PLCG2: variants seen among roughly 807,000 people sequenced by gnomAD.
PLCG2 encodes 1-phosphatidylinositol 4,5-bisphosphate phosphodiesterase gamma-2.
PLCG2 carries 69 observed loss-of-function variants against 175.6 expected under a neutral mutation model. The ratio of observed to expected loss-of-function variants is 0.39; its 90% CI spans 0.32 to 0.48. The LOEUF is 0.48. Ranked by LOEUF, PLCG2 falls within the 20% of genes least tolerant of loss-of-function variation. PLCG2 has a pLI of 0.91. For synonymous variants in PLCG2, 827 were observed against 624.0 expected (o/e 1.33, Z -4.85); for missense variants, 1,798 against 1,650.9 (o/e 1.09, Z -1.54).
At chr16:81,843,183 G>A (rs1002676229) in intron 2 of PLCG2, among the ~76,000 whole-genome samples, 1 of 152,166 alleles carries the variant, frequency 6.6e-6, no homozygotes, top group Non-Finnish European at 1.5e-5. Flanking sequence ...TGAGAATAAA[G>A]TGTTGTTTCA....
chr16:81,829,427 A>C (rs1373542006), intron 2 of PLCG2, among the ~76,000 whole-genome samples: 1 of 152,150 alleles, frequency 6.6e-6, no homozygotes, highest in Non-Finnish European at 1.5e-5. Context: ...CATGTTGACC[A>C]GGCTAGTCTC....
At chr16:81,905,841 G>A (rs551235841) in intron 15 of PLCG2, among the ~76,000 whole-genome samples, 32 of 152,162 alleles carry the variant, frequency 2.1e-4, no homozygotes, top group African/African-American at 6.5e-4. Context: ...TTGTATTTTT[G>A]CAGAGATGGG....
intron 2 of PLCG2, among the ~76,000 whole-genome samples, chr16:81,761,468 G>A (rs193140351): frequency 1.9e-4 from 29 of 152,296 alleles, no homozygotes; most frequent in African/African-American, 6.0e-4. Flanking sequence ...GAGAGGTGAC[G>A]CGTTGTAATG....
chr16:81,959,685 C>G lies in PLCG2; in HGVS notation c.*1687C>G. 5.4e-6 allele frequency: 1 copy of G among 185,478 alleles called. No homozygotes were observed. Among genetic ancestry groups the G allele is most frequent in the East Asian group, 8.8e-5 (1 of 11,402 alleles). The allele number at this position is 185,478 out of a possible 1,614,324, so 11.5% of individuals were successfully genotyped here. On this transcript the variant is annotated 3_prime_UTR_variant, in exon 33 of 33. Transcript: ENST00000564138. ...TCTTAGTGGCAGATGTTCAAAGCAA[C>G]TTTCAAGAAAGGCTAGGTGAGAAAG...
chr16:81,844,984 A>T (rs914054006), intron 2 of PLCG2, among the ~76,000 whole-genome samples: 1 of 152,178 alleles, frequency 6.6e-6, no homozygotes, highest in African/African-American at 2.4e-5. Flanking sequence ...GCTGGTGTGC[A>T]GAGTTGTGAT....
chr16:81,847,694 A>G (rs1906197489), intron 2 of PLCG2, among the ~76,000 whole-genome samples: 2 of 152,230 alleles, frequency 1.3e-5, no homozygotes. Flanking sequence ...CATCTTACTG[A>G]ACATGGACAA....
At chr16:81,923,177 T>TA (rs1200190339) in intron 21 of PLCG2, among the ~76,000 whole-genome samples, 2 of 152,120 alleles carry the variant, frequency 1.3e-5, no homozygotes, top group Non-Finnish European at 2.9e-5. Context: ...ACTCCCACCC[T>TA]AACCCTAAGC....
chr16:81,877,371 G>C (rs529370247), intron 7 of PLCG2, among the ~76,000 whole-genome samples: 1 of 152,296 alleles, frequency 6.6e-6, no homozygotes, highest in Non-Finnish European at 1.5e-5. Flanking sequence ...CAGGAGAATG[G>C]CGTGAACCTG....
chr16:81,922,719 T>A (rs981435850), intron 21 of PLCG2, among the ~76,000 whole-genome samples: 5 of 152,144 alleles, frequency 3.3e-5, no homozygotes, highest in African/African-American at 9.7e-5. Flanking sequence ...TTCCTTTGGG[T>A]GGGAGGAGAA....
intron 2 of PLCG2, among the ~76,000 whole-genome samples, chr16:81,770,856 A>T (rs868782061): frequency 4.6e-5 from 7 of 152,220 alleles, no homozygotes; most frequent in Middle Eastern, 6.8e-3. Context: ...CAGGAGATCG[A>T]GACCATCCTG....
At chr16:81,855,500 C>G (rs1242680193) in intron 3 of PLCG2, among the ~76,000 whole-genome samples, 2 of 152,180 alleles carry the variant, frequency 1.3e-5, no homozygotes, top group South Asian at 2.1e-4. Flanking sequence ...GGTCAAATAA[C>G]TTATTAATTT....
chr16:81,779,529 T>C (rs1910633532), intron 1 of PLCG2, 105 bp downstream of exon 1: 1 of 151,832 alleles, frequency 6.6e-6, no homozygotes, highest in Non-Finnish European at 1.5e-5. Context: ...GCGTCCTGGC[T>C]CAGCCGGAGC....
chr16:81,946,325 G>A (rs1284990048), intron 31 of PLCG2, 62 bp downstream of exon 31: 21 of 1,198,390 alleles, frequency 1.8e-5, no homozygotes, highest in East Asian at 1.6e-4. Context: ...GGGTAGAAAC[G>A]GCCCGTGAAT....
At chr16:81,942,486 G>T (rs1277899968) in intron 30 of PLCG2, among the ~76,000 whole-genome samples, 3 of 152,172 alleles carry the variant, frequency 2.0e-5, no homozygotes, top group African/African-American at 7.2e-5. Flanking sequence ...AGAATGAACA[G>T]GAGGCATTGA....
At chr16:81,778,809 T>C (rs1167672203), upstream of PLCG2, among the ~76,000 whole-genome samples, 1 of 122,844 alleles carries the variant, frequency 8.1e-6, no homozygotes, top group African/African-American at 3.3e-5. Flanking sequence ...TATATTTATT[T>C]TTAATTTTTA....
chr16:81,778,344 T>C (rs1910549563), upstream of PLCG2, among the ~76,000 whole-genome samples: 1 of 152,142 alleles, frequency 6.6e-6, no homozygotes, highest in Admixed American at 6.6e-5. Context: ...CACTCCAGCC[T>C]GGGTGACAGA....
rs1006613988 is a variant in PLCG2 at position 81,803,714 on chromosome 16, C to G, written c.193+17532C>G. Among the ~76,000 whole-genome samples, 4 of 135,972 alleles carry G rather than the reference C, an allele frequency of 2.9e-5. No homozygotes were observed. The East Asian group carries it at 1.1e-3, about 37-fold the overall frequency. 89.2% of individuals were successfully genotyped at this position (135,972 alleles called of 152,430 possible). ...TCTTTCTTTACTCTCTACAGTCTCA[C>G]TGTGTCGGTCAGGCCGGAGGGCAGT... On this transcript the variant is annotated intron_variant, in intron 2 of 32. Coordinates refer to ENST00000564138, the MANE Select transcript of PLCG2 (RefSeq NM_002661.5).
At chr16:81,754,185 C>T (rs1313226571) in intron 1 of PLCG2, among the ~76,000 whole-genome samples, 4 of 151,840 alleles carry the variant, frequency 2.6e-5, no homozygotes, top group Non-Finnish European at 1.5e-5. Flanking sequence ...TCCACCTCCA[C>T]CTGAGTTGAG....
chr16:81,938,649 CAG>C, intron 28 of PLCG2, 150 bp from the exon 29 acceptor site: 1 of 605,524 alleles, frequency 1.7e-6, no homozygotes, highest in Non-Finnish European at 2.9e-6. Context: ...TCATCCACTG[CAG>C]AAGGTTGCTC....
Sources: allele counts gnomAD v4.1 joint callset (sites outside exome capture counted in the v4.1 genomes callset), GRCh38; gene constraint gnomAD v4.1.1; transcripts MANE v1.5; gene names NCBI Gene and HGNC (gene_info 2026-07-23, HGNC 2026-07-21).